Variants in KALRN observed in about 807,000 individuals in gnomAD.
The protein encoded by KALRN is kalirin RhoGEF kinase, also known as kalirin.
KALRN carries 70 observed loss-of-function variants against 353.7 expected under a neutral mutation model. The observed-to-expected ratio is 0.20, with a 90% CI of 0.16 to 0.24. The LOEUF (loss-of-function observed/expected upper bound fraction) is 0.24, where lower values mean the gene tolerates loss of function less well. Ranked by LOEUF, KALRN falls within the 10% of genes least tolerant of loss-of-function variation. The probability of loss-of-function intolerance (pLI) is 1.00; values close to 1 mark genes in which losing one functional copy is unlikely to be tolerated. For synonymous variants in KALRN, 1,391 were observed against 1,434.8 expected, an observed-to-expected ratio of 0.97 and a Z score of 0.69; for missense variants, 2,791 against 3,756.7, an observed-to-expected ratio of 0.74 and a Z score of 6.72.
chr3:124,303,142 T>C (rs1406226691), intron 6 of KALRN, among the ~76,000 whole-genome samples: 2 of 152,196 alleles, frequency 1.3e-5, no homozygotes, highest in African/African-American at 4.8e-5. Flanking sequence ...CCATCAATTA[T>C]TAACATACCA....
intron 34 of KALRN, among the ~76,000 whole-genome samples, chr3:124,616,313 TTG>T (rs2078591208): frequency 2.0e-5 from 3 of 152,314 alleles, no homozygotes; most frequent in Admixed American, 1.3e-4. Flanking sequence ...GAAGGGCACA[TTG>T]TGAGTTGAAT....
chr3:124,521,302 A>G (rs1423320511), intron 33 of KALRN, among the ~76,000 whole-genome samples: 1 of 152,262 alleles, frequency 6.6e-6, no homozygotes, highest in East Asian at 1.9e-4. Flanking sequence ...CACAGAGCTT[A>G]CCAGTAGAGG....
chr3:124,261,820 C>G (rs189164606), intron 3 of KALRN, among the ~76,000 whole-genome samples: 3 of 152,134 alleles, frequency 2.0e-5, no homozygotes, highest in Admixed American at 6.5e-5. Context: ...CGTTGCCGAA[C>G]CTGACATAGT....
intron 34 of KALRN, among the ~76,000 whole-genome samples, chr3:124,601,068 G>A (rs1274883269): frequency 6.6e-6 from 1 of 152,208 alleles, no homozygotes; most frequent in African/African-American, 2.4e-5. Context: ...AGGAGGGTCA[G>A]ACTGAGTCCC....
At chr3:124,595,567 T>C (rs2076193640) in intron 34 of KALRN, among the ~76,000 whole-genome samples, 1 of 152,216 alleles carries the variant, frequency 6.6e-6, no homozygotes, top group African/African-American at 2.4e-5. Flanking sequence ...AAACACTATG[T>C]AATGGCAATC....
intron 13 of KALRN, among the ~76,000 whole-genome samples, chr3:124,407,330 A>T (rs890612204): frequency 6.6e-6 from 1 of 151,956 alleles, no homozygotes; most frequent in Non-Finnish European, 1.5e-5. Context: ...ATATATATAT[A>T]TATTTGCTTC....
At chr3:124,658,349 G>A (rs10804562) in intron 41 of KALRN, 82 bp from the exon 42 acceptor site, 216,767 of 1,035,226 alleles carry the variant, frequency 0.21, 23,872 homozygotes, top group Admixed American at 0.27. Context: ...CTTTGTCCAC[G>A]TGGAGGCCAG....
intron 13 of KALRN, among the ~76,000 whole-genome samples, chr3:124,410,592 G>A (rs1270797072): frequency 6.6e-6 from 1 of 152,190 alleles, no homozygotes; most frequent in Non-Finnish European, 1.5e-5. Flanking sequence ...ATTTGAAAAT[G>A]TTCTCACCAT....
At chr3:124,189,502 T>A (rs2150294787) in intron 1 of KALRN, among the ~76,000 whole-genome samples, 1 of 152,214 alleles carries the variant, frequency 6.6e-6, no homozygotes, top group East Asian at 1.9e-4. Flanking sequence ...TGCAAGAGTG[T>A]GTAAAAAGCA....
intron 34 of KALRN, among the ~76,000 whole-genome samples, chr3:124,594,848 G>A (rs1243013923): frequency 6.6e-6 from 1 of 152,100 alleles, no homozygotes; most frequent in East Asian, 1.9e-4. Flanking sequence ...CTTTTTCTTA[G>A]TTATGAGGTA....
intron 10 of KALRN, among the ~76,000 whole-genome samples, chr3:124,377,371 T>A (rs1453942318): frequency 6.6e-6 from 1 of 152,214 alleles, no homozygotes; most frequent in Non-Finnish European, 1.5e-5. Context: ...AATATTTCTG[T>A]TACTGATTTC....
At chr3:124,494,244 A>C (rs2063481981) in intron 32 of KALRN, among the ~76,000 whole-genome samples, 2 of 152,216 alleles carry the variant, frequency 1.3e-5, no homozygotes, top group African/African-American at 2.4e-5. Flanking sequence ...CTCTGCAGAG[A>C]ATAACCAAGC....
At chr3:124,580,947 A>AAATAATAATAAT (rs145377277) in intron 34 of KALRN, among the ~76,000 whole-genome samples, 1 of 147,530 alleles carries the variant, frequency 6.8e-6, no homozygotes, top group Non-Finnish European at 1.5e-5. Flanking sequence ...GTCTCTATTA[A>AAATAATAATAAT]AATAATAATA....
At chr3:124,486,751 T>G (rs1453667079) in intron 28 of KALRN, among the ~76,000 whole-genome samples, 1 of 152,224 alleles carries the variant, frequency 6.6e-6, no homozygotes, top group Non-Finnish European at 1.5e-5. Context: ...TGCGGCCAGG[T>G]TGATCTACAA....
chr3:124,671,615 T>C, intron 47 of KALRN, 45 bp from the exon 48 acceptor site: 2 of 1,416,390 alleles, frequency 1.4e-6, no homozygotes, highest in Middle Eastern at 1.8e-4. Context: ...CAAATCCTTG[T>C]GGGATTCCCA....
At chr3:124,708,805 A>G (rs1213696859) in intron 57 of KALRN, among the ~76,000 whole-genome samples, 1 of 152,130 alleles carries the variant, frequency 6.6e-6, no homozygotes, top group Non-Finnish European at 1.5e-5. Context: ...ACAAACAAAA[A>G]CCATGCCCAG....
chr3:124,162,891 T>C (rs1020159761), intron 1 of KALRN: 2 of 152,210 alleles, frequency 1.3e-5, no homozygotes, highest in East Asian at 1.9e-4. Context: ...TAAGTACTTC[T>C]TCATGAGTGA....
intron 28 of KALRN, among the ~76,000 whole-genome samples, chr3:124,487,742 G>A (rs1235986273): frequency 6.6e-6 from 1 of 152,232 alleles, no homozygotes; most frequent in Non-Finnish European, 1.5e-5. Context: ...GTAGAGGCTT[G>A]TAAATAAAAG....
intron 33 of KALRN, among the ~76,000 whole-genome samples, chr3:124,544,900 G>A (rs1333026284): frequency 4.6e-5 from 7 of 152,232 alleles, no homozygotes; most frequent in African/African-American, 1.7e-4. Context: ...GGACTGGAGG[G>A]TAGGGTGCTC....
Sources: gnomAD v4.1 joint callset for allele counts (sites outside exome capture counted in the v4.1 genomes callset) on GRCh38, gnomAD v4.1.1 for gene constraint, MANE v1.5 for transcripts, NCBI Gene and HGNC (gene_info 2026-07-23, HGNC 2026-07-21) for gene names.